TUSC3: variants seen among roughly 807,000 people sequenced by gnomAD.
TUSC3 encodes the protein tumor suppressor candidate 3.
Under a neutral mutation model 44.8 loss-of-function variants are expected in TUSC3, and 45 were observed. The ratio of observed to expected loss-of-function variants is 1.00; its 90% CI spans 0.79 to 1.29. The LOEUF (loss-of-function observed/expected upper bound fraction) is 1.29, where lower values mean the gene tolerates loss of function less well. Ranked by LOEUF, TUSC3 falls within the 50% of genes most tolerant of loss-of-function variation. TUSC3 has a pLI of 0.00. For missense variants in TUSC3, 519 were observed against 437.9 expected, an observed-to-expected ratio of 1.19 and a Z score of -1.65; for synonymous variants, 212 against 152.9, an observed-to-expected ratio of 1.39 and a Z score of -2.85.
chr8:15,802,212 A>T, the TUSC3 span, among the ~76,000 whole-genome samples: 1 of 152,190 alleles, frequency 6.6e-6, no homozygotes, highest in Non-Finnish European at 1.5e-5. Flanking sequence ...GTGCTGTAAG[A>T]GTCACTGGGT....
intron 7 of TUSC3, among the ~76,000 whole-genome samples, chr8:15,736,413 A>T (rs1810940114): frequency 6.6e-6 from 1 of 152,204 alleles, no homozygotes; most frequent in African/African-American, 2.4e-5. Context: ...TGAAATATAT[A>T]AAATTGTGTT....
intron 2 of TUSC3, among the ~76,000 whole-genome samples, chr8:15,527,982 T>G (rs1186984071): frequency 6.6e-6 from 1 of 152,222 alleles, no homozygotes; most frequent in African/African-American, 2.4e-5. Context: ...TAAATAGAGC[T>G]TCTTGGTAAG....
At chr8:15,702,638 G>A (rs1809453049) in intron 6 of TUSC3, among the ~76,000 whole-genome samples, 2 of 152,042 alleles carry the variant, frequency 1.3e-5, no homozygotes, top group African/African-American at 4.8e-5. Flanking sequence ...TTGCTCTCCA[G>A]TTTGTCGGTG....
At chr8:15,719,438 T>A (rs1810204660) in intron 6 of TUSC3, among the ~76,000 whole-genome samples, 1 of 151,796 alleles carries the variant, frequency 6.6e-6, no homozygotes, top group African/African-American at 2.4e-5. Context: ...CTGACTCCCT[T>A]ACTTTTTTCT....
chr8:15,727,942 G>GGTGGCAA, intron 6 of TUSC3, among the ~76,000 whole-genome samples: 1 of 152,140 alleles, frequency 6.6e-6, no homozygotes, highest in Non-Finnish European at 1.5e-5. Flanking sequence ...ACAGTTAGTA[G>GGTGGCAA]ATGGCAAATT....
At chr8:15,715,002 T>C (rs1184882492) in intron 6 of TUSC3, among the ~76,000 whole-genome samples, 4 of 152,178 alleles carry the variant, frequency 2.6e-5, no homozygotes, top group African/African-American at 9.6e-5. Context: ...AACGTTGCAT[T>C]TGAATGCAGG....
chr8:15,630,378 C>T (rs925287054), intron 2 of TUSC3, among the ~76,000 whole-genome samples: 8 of 152,090 alleles, frequency 5.3e-5, no homozygotes, highest in African/African-American at 1.7e-4. Flanking sequence ...CATTTATTCT[C>T]TCCCAACAAA....
At chr8:15,674,728 C>G (rs1359605166) in intron 6 of TUSC3, among the ~76,000 whole-genome samples, 1 of 151,878 alleles carries the variant, frequency 6.6e-6, no homozygotes, top group Non-Finnish European at 1.5e-5. Flanking sequence ...TTAAAGCTAG[C>G]CTCTTTGAAT....
chr8:15,662,403 CTGAA>C (rs1807463949), intron 5 of TUSC3, 107 bp downstream of exon 5: 1 of 1,478,404 alleles, frequency 6.8e-7, no homozygotes, highest in Non-Finnish European at 9.3e-7. Flanking sequence ...GAACTTAAGT[CTGAA>C]TGAGAAGTAA....
the TUSC3 span, among the ~76,000 whole-genome samples, chr8:15,796,419 C>G: frequency 6.6e-6 from 1 of 152,192 alleles, no homozygotes; most frequent in South Asian, 2.1e-4. Context: ...CCACTGGGAA[C>G]AGCCTAAGAG....
rs115594743 is a variant in TUSC3, at chr8:15,644,108, C to G, written c.309-6589C>G. The stretch of plus-strand genomic sequence containing the variant: ...ATGTAGAACTGTAGATGATATAATT[C>G]TTTTTAGTTTTACATAACCTTTTAA... On this transcript the variant is annotated intron_variant, in intron 2 of 10. Transcript: ENST00000503731. Among the ~76,000 whole-genome samples the G allele has an allele frequency of 1.9e-3, 294 of 152,244 alleles. 1 individual carries two copies. Among genetic ancestry groups the G allele is most frequent in the African/African-American group, 6.7e-3 (279 of 41,530 alleles).
chr8:15,559,213 C>T (rs1434960571), intron 1 of TUSC3, among the ~76,000 whole-genome samples: 15 of 141,752 alleles, frequency 1.1e-4, no homozygotes, highest in African/African-American at 3.6e-4. Flanking sequence ...TCTTTGTTCT[C>T]GTTGGTTTCA....
chr8:15,597,835 T>A (rs1804133648), intron 1 of TUSC3, among the ~76,000 whole-genome samples: 2 of 152,046 alleles, frequency 1.3e-5, no homozygotes, highest in African/African-American at 4.8e-5. Flanking sequence ...ATGGCCTACA[T>A]TTTTAAGGCA....
At chr8:15,479,670 G>C (rs150010032) in intron 1 of TUSC3, among the ~76,000 whole-genome samples, 1 of 152,128 alleles carries the variant, frequency 6.6e-6, no homozygotes, top group African/African-American at 2.4e-5. Flanking sequence ...GTACCATGCT[G>C]TTTTGGTTAC....
At chr8:15,785,043 T>G in the TUSC3 span, among the ~76,000 whole-genome samples, 1 of 152,010 alleles carries the variant, frequency 6.6e-6, no homozygotes, top group Admixed American at 6.6e-5. Context: ...ATTTTTCAAT[T>G]AAAAATGCAT....
chr8:15,828,028 C>T, the TUSC3 span, among the ~76,000 whole-genome samples: 1 of 145,566 alleles, frequency 6.9e-6, no homozygotes. Context: ...GAGTTTCACA[C>T]TTGTTGCCCA....
rs185696014 is a variant in TUSC3 at position 15,549,649 on chromosome 8, C to T, written c.138+9081C>T. Among the ~76,000 whole-genome samples, 184 of 151,560 alleles carry T rather than the reference C, an allele frequency of 1.2e-3. 5 individuals carry two copies. The highest frequency in any genetic ancestry group is 4.2e-3 in the African/African-American group (175 of 41,430). On this transcript the variant is annotated intron_variant, in intron 1 of 10. Coordinates refer to ENST00000503731, the MANE Select transcript of TUSC3 (RefSeq NM_006765.4). The stretch of plus-strand genomic sequence containing the variant: ...AAGTTGAAGGAAAAGAAAACGGGGC[C>T]TCCCTTAAGGAAGGGAGAATGCTGA...
chr8:15,720,529 T>G (rs1286935803), intron 6 of TUSC3, among the ~76,000 whole-genome samples: 1 of 152,100 alleles, frequency 6.6e-6, no homozygotes, highest in African/African-American at 2.4e-5. Context: ...ATCATACTGT[T>G]GTGCTATATT....
At chr8:15,473,809 A>C (rs563956902) in intron 1 of TUSC3, among the ~76,000 whole-genome samples, 2 of 152,320 alleles carry the variant, frequency 1.3e-5, no homozygotes, top group South Asian at 4.1e-4. Flanking sequence ...AAACAGAACT[A>C]CTGATAAGGG....
Sources: allele counts gnomAD v4.1 joint callset (sites outside exome capture counted in the v4.1 genomes callset), GRCh38; gene constraint gnomAD v4.1.1; transcripts MANE v1.5; gene names NCBI Gene and HGNC (gene_info 2026-07-23, HGNC 2026-07-21).